AP1G1: variants seen among roughly 807,000 people sequenced by gnomAD.
The protein encoded by AP1G1 is adaptor related protein complex 1 subunit gamma 1.
A neutral mutation model predicts 108.3 loss-of-function variants in AP1G1; 7 were observed. That is an observed-to-expected ratio of 0.06 (90% confidence interval 0.04 to 0.12). The LOEUF is 0.12. Among genes scored for constraint, AP1G1 ranks in the 10% least tolerant of loss-of-function variants. The pLI, the probability that AP1G1 is intolerant of heterozygous loss-of-function variation, is 1.00. For missense variants in AP1G1, 756 were observed against 1,010.7 expected (o/e 0.75, Z 3.42); for synonymous variants, 379 against 353.5 (o/e 1.07, Z -0.81).
intron 4 of AP1G1, among the ~76,000 whole-genome samples, chr16:71,771,871 T>C (rs979736168): frequency 6.6e-6 from 1 of 152,204 alleles, no homozygotes; most frequent in Non-Finnish European, 1.5e-5. Context: ...AGTATCTATG[T>C]GGCCCTCAAA....
intron 3 of AP1G1, 90 bp from the exon 4 acceptor site, chr16:71,773,452 T>G: frequency 7.8e-7 from 1 of 1,276,270 alleles, no homozygotes; most frequent in Non-Finnish European, 1.0e-6. Context: ...TGACTCAAGA[T>G]TTCTCCAATA....
chr16:71,778,172 G>A (rs2031861998), intron 2 of AP1G1, among the ~76,000 whole-genome samples: 1 of 152,142 alleles, frequency 6.6e-6, no homozygotes, highest in Admixed American at 6.5e-5. Context: ...GAAATTTAAA[G>A]GGGCAAGCAT....
chr16:71,782,311 C>T (rs998586068), intron 2 of AP1G1, among the ~76,000 whole-genome samples: 1 of 151,610 alleles, frequency 6.6e-6, no homozygotes, highest in African/African-American at 2.4e-5. Flanking sequence ...TTACAGGTAT[C>T]TGCCACCATG....
intron 6 of AP1G1, among the ~76,000 whole-genome samples, chr16:71,769,043 G>A (rs2031462114): frequency 6.7e-6 from 1 of 148,694 alleles, no homozygotes; most frequent in Admixed American, 6.7e-5. Context: ...AGCACTTTGG[G>A]AGGCTGAGGC....
intron 1 of AP1G1, among the ~76,000 whole-genome samples, chr16:71,806,134 T>A (rs1465666127): frequency 1.3e-5 from 2 of 152,150 alleles, no homozygotes; most frequent in African/African-American, 2.4e-5. Context: ...TGGGGTGAAA[T>A]ATCACCAAGG....
chr16:71,779,482 A>G (rs574784876), intron 2 of AP1G1, among the ~76,000 whole-genome samples: 3 of 152,144 alleles, frequency 2.0e-5, no homozygotes, highest in African/African-American at 7.2e-5. Flanking sequence ...CTGGAACTAC[A>G]GATGCGTGCC....
At chr16:71,791,287 CA>C (rs1310374424) in intron 1 of AP1G1, among the ~76,000 whole-genome samples, 1 of 150,298 alleles carries the variant, frequency 6.7e-6, no homozygotes, top group African/African-American at 2.4e-5. Context: ...AACAATAAAC[CA>C]GAAGAGTCAA....
At chr16:71,779,643 T>C (rs1327750310) in intron 2 of AP1G1, among the ~76,000 whole-genome samples, 1 of 152,088 alleles carries the variant, frequency 6.6e-6, no homozygotes, top group Non-Finnish European at 1.5e-5. Context: ...CCCCGCCAAA[T>C]GGCTCTTAAT....
At chr16:71,793,146 G>C (rs151041769) in intron 1 of AP1G1, among the ~76,000 whole-genome samples, 2 of 152,128 alleles carry the variant, frequency 1.3e-5, no homozygotes, top group Non-Finnish European at 2.9e-5. Flanking sequence ...CAGCCTGGGC[G>C]ATGGCACAAG....
chr16:71,734,569 A>C, intron 22 of AP1G1, 40 bp downstream of exon 22: 1 of 1,473,214 alleles, frequency 6.8e-7, no homozygotes, highest in East Asian at 2.3e-5. Context: ...AAATATGCTT[A>C]CACTTCGGCT....
At chr16:71,791,394 T>C (rs1478126758) in intron 1 of AP1G1, among the ~76,000 whole-genome samples, 1 of 152,126 alleles carries the variant, frequency 6.6e-6, no homozygotes, top group Non-Finnish European at 1.5e-5. Flanking sequence ...TTATAGAATA[T>C]ATACCTGAGA....
chr16:71,780,155 G>A (rs1301619184), intron 2 of AP1G1, among the ~76,000 whole-genome samples: 1 of 151,446 alleles, frequency 6.6e-6, no homozygotes, highest in Admixed American at 6.6e-5. Context: ...CACTATATCC[G>A]GCTAATTTTT....
chr16:71,791,183 G>A (rs1178464418), intron 1 of AP1G1, among the ~76,000 whole-genome samples: 5 of 148,684 alleles, frequency 3.4e-5, no homozygotes, highest in African/African-American at 1.2e-4. Flanking sequence ...TCACACCACT[G>A]CAATCCAGCC....
intron 1 of AP1G1, chr16:71,807,682 C>A: frequency 3.4e-6 from 2 of 592,366 alleles, no homozygotes; most frequent in Non-Finnish European, 5.2e-6. Context: ...TTTTTAGAAT[C>A]AGTCAGCAAA....
At chr16:71,786,071 C>G (rs918030939) in intron 2 of AP1G1, among the ~76,000 whole-genome samples, 1 of 152,058 alleles carries the variant, frequency 6.6e-6, no homozygotes, top group African/African-American at 2.4e-5. Context: ...AGAATAAGAA[C>G]TTAAAATTAT....
chr16:71,786,433 C>T (rs2032204511), intron 2 of AP1G1, among the ~76,000 whole-genome samples: 1 of 152,022 alleles, frequency 6.6e-6, no homozygotes. Flanking sequence ...CAACACCAAC[C>T]AGGGAACTGT....
chr16:71,800,274 G>A (rs572491092), intron 1 of AP1G1, among the ~76,000 whole-genome samples: 2 of 145,366 alleles, frequency 1.4e-5, no homozygotes, highest in Non-Finnish European at 3.0e-5. Flanking sequence ...GGGAGGCTGA[G>A]GCAGGAGAAT....
intron 12 of AP1G1, 116 bp from the exon 13 acceptor site, chr16:71,754,003 G>A (rs2030640062): frequency 2.1e-6 from 2 of 936,882 alleles, no homozygotes; most frequent in Non-Finnish European, 1.7e-6. Flanking sequence ...ATCTTGGGAG[G>A]CCGAGGTGGG....
intron 1 of AP1G1, among the ~76,000 whole-genome samples, chr16:71,801,123 A>G (rs2032781700): frequency 6.6e-6 from 1 of 152,176 alleles, no homozygotes; most frequent in South Asian, 2.1e-4. Flanking sequence ...CCAGGCCAAC[A>G]TGGCGAAACC....
Sources: gnomAD v4.1 joint callset for allele counts (sites outside exome capture counted in the v4.1 genomes callset) on GRCh38, gnomAD v4.1.1 for gene constraint, MANE v1.5 for transcripts, NCBI Gene and HGNC (gene_info 2026-07-23, HGNC 2026-07-21) for gene names.